SBF2: variants seen among roughly 807,000 people sequenced by gnomAD.
SBF2 encodes myotubularin-related protein 13.
A neutral mutation model predicts 225.2 loss-of-function variants in SBF2; 112 were observed. That is an observed-to-expected ratio of 0.50 (90% CI 0.43 to 0.58). The LOEUF is 0.58. SBF2 is among the 20% of genes least tolerant of loss of function. SBF2 has a pLI of 0.00. For missense variants in SBF2, 1,996 were observed against 2,206.2 expected (o/e 0.90, Z 1.91); for synonymous variants, 763 against 773.3 (o/e 0.99, Z 0.22).
chr11:10,229,712 T>G (rs1958743259), intron 1 of SBF2, among the ~76,000 whole-genome samples: 1 of 152,214 alleles, frequency 6.6e-6, no homozygotes, highest in Admixed American at 6.5e-5. Flanking sequence ...TTACATTTGC[T>G]GAGCAGTGCT....
chr11:9,790,710 C>T lies in SBF2; in HGVS notation c.4571-27G>A, dbSNP rs773092734. The T allele has an allele frequency of 9.2e-6, 14 of 1,527,378 alleles. No individual in the cohort carries two copies. The South Asian group carries it at 1.6e-4, about 18-fold the overall frequency. The allele number at this position is 1,527,378 out of a possible 1,614,324, so 94.6% of individuals were successfully genotyped here. On this transcript the variant is annotated intron_variant, in intron 33 of 39. Coordinates refer to ENST00000256190, the MANE Select transcript of SBF2 (RefSeq NM_030962.4). Reference sequence around the variant, plus strand: ...TGTAGATTAAAAAAATCCAACAAAACAAAATTAAATAAATTCACACTTTGC... The same window carrying T: ...TGTAGATTAAAAAAATCCAACAAAATAAAATTAAATAAATTCACACTTTGC...
chr11:10,181,667 C>T (rs1180323499), intron 2 of SBF2, among the ~76,000 whole-genome samples: 1 of 152,062 alleles, frequency 6.6e-6, no homozygotes, highest in African/African-American at 2.4e-5. Context: ...TTCCTGGACA[C>T]ATCTCAATTC....
chr11:10,111,273 C>T (rs1218130392), intron 2 of SBF2, among the ~76,000 whole-genome samples: 5 of 152,034 alleles, frequency 3.3e-5, no homozygotes, highest in African/African-American at 1.2e-4. Flanking sequence ...AGAAAATTTC[C>T]AGCCAAGAAA....
chr11:10,246,705 G>C (rs1326399277), intron 1 of SBF2, among the ~76,000 whole-genome samples: 1 of 152,238 alleles, frequency 6.6e-6, no homozygotes, highest in African/African-American at 2.4e-5. Context: ...TAAAAACAAT[G>C]AATCTAAAAT....
chr11:10,201,048 C>T (rs1026618500), intron 1 of SBF2, among the ~76,000 whole-genome samples: 4 of 152,202 alleles, frequency 2.6e-5, no homozygotes, highest in African/African-American at 9.7e-5. Flanking sequence ...GGAACTTCAG[C>T]ATTGTACCTA....
chr11:10,196,866 A>ATATATATATATATATATATATTTTTTTT, intron 1 of SBF2, among the ~76,000 whole-genome samples: 20 of 99,300 alleles, frequency 2.0e-4, no homozygotes, highest in Non-Finnish European at 2.4e-4. Flanking sequence ...ATATATATAT[A>ATATATATATATATATATATATTTTTTTT]TTTTTTTTTT....
intron 2 of SBF2, among the ~76,000 whole-genome samples, chr11:10,131,587 C>T (rs906808008): frequency 5.3e-5 from 8 of 152,128 alleles, no homozygotes; most frequent in African/African-American, 1.9e-4. Flanking sequence ...GTATGCACCA[C>T]CACATCTGGC....
chr11:10,269,798 G>A (rs962233356), intron 1 of SBF2, among the ~76,000 whole-genome samples: 6 of 152,112 alleles, frequency 3.9e-5, no homozygotes, highest in African/African-American at 1.4e-4. Context: ...GTCCCACTCT[G>A]TCACCTAGGC....
chr11:10,132,014 A>T (rs976114723), intron 2 of SBF2, among the ~76,000 whole-genome samples: 1 of 152,084 alleles, frequency 6.6e-6, no homozygotes, highest in African/African-American at 2.4e-5. Context: ...ATCCATTTTG[A>T]GTTACTCTGG....
intron 6 of SBF2, among the ~76,000 whole-genome samples, chr11:10,008,436 A>C (rs1948295020): frequency 6.6e-6 from 1 of 152,232 alleles, no homozygotes; most frequent in Non-Finnish European, 1.5e-5. Context: ...GATGTTCTCA[A>C]AACAGTTGCC....
At chr11:9,894,160 C>G (rs1244933434) in intron 17 of SBF2, among the ~76,000 whole-genome samples, 1 of 151,970 alleles carries the variant, frequency 6.6e-6, no homozygotes, top group Non-Finnish European at 1.5e-5. Flanking sequence ...GGTGGGCAGA[C>G]AGCTTGAGTC....
At chr11:9,961,910 A>G (rs1425415914) in intron 16 of SBF2, 47 bp downstream of exon 16, 1 of 1,577,738 alleles carries the variant, frequency 6.3e-7, no homozygotes, top group Non-Finnish European at 8.7e-7. Flanking sequence ...GGAAAAATGA[A>G]AAGTATTCTC....
At chr11:9,799,904 A>G (rs1000458454) in intron 32 of SBF2, among the ~76,000 whole-genome samples, 3 of 152,212 alleles carry the variant, frequency 2.0e-5, no homozygotes, top group African/African-American at 7.2e-5. Flanking sequence ...TTATTTGCAT[A>G]TCTTTGGTGA....
intron 16 of SBF2, among the ~76,000 whole-genome samples, chr11:9,943,642 T>C (rs1352504044): frequency 6.6e-6 from 1 of 152,054 alleles, no homozygotes; most frequent in Non-Finnish European, 1.5e-5. Flanking sequence ...CACTTATTAG[T>C]CATCAGGGAA....
intron 2 of SBF2, among the ~76,000 whole-genome samples, chr11:10,155,562 T>C (rs191320031): frequency 1.3e-3 from 195 of 152,334 alleles, no homozygotes; most frequent in African/African-American, 4.5e-3. Flanking sequence ...TTTGTTAAAA[T>C]TTCCCACCAA....
At chr11:10,222,184 T>C (rs529304412) in intron 1 of SBF2, among the ~76,000 whole-genome samples, 1 of 152,304 alleles carries the variant, frequency 6.6e-6, no homozygotes, top group South Asian at 2.1e-4. Context: ...TGGAGGAATA[T>C]AATGGAATTC....
At chr11:10,014,685 A>G (rs1218071124) in intron 6 of SBF2, among the ~76,000 whole-genome samples, 2 of 152,040 alleles carry the variant, frequency 1.3e-5, no homozygotes, top group African/African-American at 4.8e-5. Flanking sequence ...GTTTGTTTAC[A>G]TATGCTTTTA....
intron 13 of SBF2, among the ~76,000 whole-genome samples, chr11:9,971,949 C>A (rs1223907168): frequency 6.6e-6 from 1 of 152,098 alleles, no homozygotes; most frequent in African/African-American, 2.4e-5. Context: ...GAATAGAGAG[C>A]CCCAAAACAG....
chr11:9,968,980 C>T (rs1282522404), intron 13 of SBF2, among the ~76,000 whole-genome samples: 1 of 152,124 alleles, frequency 6.6e-6, no homozygotes, highest in Non-Finnish European at 1.5e-5. Context: ...TCCTAAACCC[C>T]ATACCCACAT....
Sources: allele counts gnomAD v4.1 joint callset (sites outside exome capture counted in the v4.1 genomes callset), GRCh38; gene constraint gnomAD v4.1.1; transcripts MANE v1.5; gene names NCBI Gene and HGNC (gene_info 2026-07-23, HGNC 2026-07-21).